The following IVNS1ABP variants were observed in gnomAD, a reference collection of about 807,000 sequenced individuals.
IVNS1ABP encodes the protein influenza virus NS1A binding protein, also known as influenza virus NS1A-binding protein.
In IVNS1ABP, 25 loss-of-function variants were observed where a neutral mutation model predicts 78.9. The ratio of observed to expected loss-of-function variants is 0.32; its 90% CI spans 0.23 to 0.44. IVNS1ABP has a LOEUF of 0.44. Among genes scored for constraint, IVNS1ABP ranks in the 20% least tolerant of loss-of-function variants. The pLI is 1.00. For missense variants in IVNS1ABP, 494 were observed against 768.9 expected (o/e 0.64, Z 4.23); for synonymous variants, 241 against 259.7 (o/e 0.93, Z 0.69).
At chr1:185,303,180 A>C (rs1027829542) in intron 8 of IVNS1ABP, among the ~76,000 whole-genome samples, 3 of 152,132 alleles carry the variant, frequency 2.0e-5, no homozygotes, top group Non-Finnish European at 2.9e-5. Context: ...AACTGTTCTA[A>C]TGTACAAACT....
rs1665548309 is a variant in IVNS1ABP at position 185,300,542 on chromosome 1, C to T, written c.1137G>A (p.Glu379=). The change falls in exon 11 of 15, where the codon GAG becomes GAA. Residue 379 remains glutamate, a synonymous_variant. Transcript: ENST00000367498. Reference sequence around the variant, plus strand: ...AGCATTCGACTGTTCGAAGACATTCCTCTCTGTTATAGCCACCTGGTAAAA... The same window carrying T: ...AGCATTCGACTGTTCGAAGACATTCTTCTCTGTTATAGCCACCTGGTAAAA... ...KLIAAGGYNR[E]ECLRTVECYN... 1.2e-5 allele frequency: 19 copies of T among 1,613,302 alleles called. No homozygotes were observed. The highest frequency in any genetic ancestry group is 1.5e-5 in the Non-Finnish European group (18 of 1,179,484).
At chr1:185,316,874 C>T in intron 1 of IVNS1ABP, 79 bp downstream of exon 1, 2 of 397,214 alleles carry the variant, frequency 5.0e-6, no homozygotes, top group Admixed American at 4.4e-5. Context: ...TCTTCCCATC[C>T]GCCGGCGCCA....
intron 2 of IVNS1ABP, 111 bp from the exon 3 acceptor site, chr1:185,309,622 A>C: frequency 3.2e-6 from 2 of 627,478 alleles, no homozygotes; most frequent in East Asian, 3.0e-5. Flanking sequence ...CCTATAAACA[A>C]CACATAAAAA....
chr1:185,308,941 G>A lies in IVNS1ABP; in HGVS notation c.281+62C>T, dbSNP rs367605600. On this transcript the variant is annotated intron_variant, in intron 4 of 14. Coordinates refer to ENST00000367498, the MANE Select transcript of IVNS1ABP (RefSeq NM_006469.5). The stretch of plus-strand genomic sequence containing the variant: ...AACACACTTAATTTAAATATATGTA[G>A]CAAGACTTGGAATTTTCTGAAGATA... 9 of 1,574,658 alleles carry A rather than the reference G, an allele frequency of 5.7e-6. No individual in the cohort carries two copies. In the East Asian group the frequency reaches 1.3e-4, roughly 24 times the overall value.
At chr1:185,301,645 C>CT (rs141708498) in intron 8 of IVNS1ABP, 82 bp from the exon 9 acceptor site, 90,349 of 1,463,344 alleles carry the variant, frequency 0.062, 3,404 homozygotes, top group Middle Eastern at 0.085. Context: ...TTCCACAACA[C>CT]TGAGTATCCT....
At chr1:185,313,528 C>T (rs930258203) in intron 1 of IVNS1ABP, among the ~76,000 whole-genome samples, 1 of 152,132 alleles carries the variant, frequency 6.6e-6, no homozygotes, top group Non-Finnish European at 1.5e-5. Context: ...TCTGTAAAAC[C>T]ATGTTTTTGA....
chr1:185,296,782 A>G lies in IVNS1ABP; in HGVS notation c.*1253T>C. On this transcript the variant is annotated 3_prime_UTR_variant, in exon 15 of 15. Transcript: ENST00000367498. ...TTATATCATTCCTTATTTCAGATGT[A>G]AGATGCCAGGTGAGTTATTTTCCAC... 6.6e-6 allele frequency: 1 copy of G among 152,162 alleles called. No homozygotes were observed. The highest frequency in any genetic ancestry group is 2.1e-4 in the South Asian group (1 of 4,832). The allele number at this position is 152,162 out of a possible 1,614,324, so 9.4% of individuals were successfully genotyped here.
intron 8 of IVNS1ABP, among the ~76,000 whole-genome samples, chr1:185,304,073 T>C (rs907464169): frequency 2.6e-5 from 4 of 152,122 alleles, no homozygotes; most frequent in Non-Finnish European, 5.9e-5. Flanking sequence ...TTATCTGCTA[T>C]GCAGACTCCT....
In IVNS1ABP at chr1:185,296,706, GT is replaced by G. The variant is rs1449135281; in HGVS notation, c.*1328del. 1 of 151,974 alleles carries G rather than the reference GT, an allele frequency of 6.6e-6. No homozygotes were observed. Among genetic ancestry groups the G allele is most frequent in the Non-Finnish European group, 1.5e-5 (1 of 68,000 alleles). 9.4% of individuals were successfully genotyped at this position (151,974 alleles called of 1,614,324 possible). A position where few individuals can be genotyped will look rare whatever the true frequency, so the allele number is the denominator to read the frequency against. ...ATCTCAGAATAGTCACCTCATCCCA[GT>G]TGGCCCATTAGGTTCCTGTGTGCTT... On this transcript the variant is annotated 3_prime_UTR_variant, in exon 15 of 15. Transcript: ENST00000367498.
intron 10 of IVNS1ABP, 128 bp downstream of exon 10, chr1:185,300,844 A>G (rs529376880): frequency 1.4e-6 from 1 of 726,334 alleles, no homozygotes; most frequent in African/African-American, 1.8e-5. Context: ...CATATTCAAT[A>G]GTATTGTTAT....
chr1:185,306,434 A>G lies in IVNS1ABP; in HGVS notation c.657+580T>C, dbSNP rs1055208406. The G allele has an allele frequency of 1.6e-5, 21 of 1,279,696 alleles. No homozygotes were observed. In the Admixed American group the frequency reaches 4.9e-4, roughly 30 times the overall value. The allele number at this position is 1,279,696 out of a possible 1,614,324, so 79.3% of individuals were successfully genotyped here. A position where few individuals can be genotyped will look rare whatever the true frequency, so the allele number is the denominator to read the frequency against. On this transcript the variant is annotated intron_variant, in intron 7 of 14. Coordinates refer to ENST00000367498, the MANE Select transcript of IVNS1ABP (RefSeq NM_006469.5). Reference sequence around the variant, plus strand: ...AGTGACTATATGTATGAACAACACCATTGAAAAACACACAGCTTTAAAGAC... The same window carrying G: ...AGTGACTATATGTATGAACAACACCGTTGAAAAACACACAGCTTTAAAGAC...
intron 7 of IVNS1ABP, chr1:185,306,152 A>G (rs1665735599): frequency 5.6e-6 from 1 of 177,844 alleles, no homozygotes; most frequent in African/African-American, 2.4e-5. Flanking sequence ...ATGCAAATAC[A>G]TGGCAAATGC....
chr1:185,306,396 C>T (rs1571744817), intron 7 of IVNS1ABP: 1 of 1,092,892 alleles, frequency 9.2e-7, no homozygotes, highest in Non-Finnish European at 1.2e-6. Context: ...TTAAAAGTAG[C>T]CCAAGTTAAG....
rs542968625 is a variant in IVNS1ABP at position 185,306,830 on chromosome 1, G to T, written c.657+184C>A. ...AAGAAATAAAAAAAGAAAAGCAGAA[G>T]ACCAAACTGAACAGTTCATTCAGCT... On this transcript the variant is annotated intron_variant, in intron 7 of 14. Coordinates refer to ENST00000367498, the MANE Select transcript of IVNS1ABP (RefSeq NM_006469.5). 43 of 737,480 alleles carry T rather than the reference G, an allele frequency of 5.8e-5. No individual in the cohort carries two copies. In the African/African-American group the frequency reaches 7.4e-4, roughly 13 times the overall value. The allele number at this position is 737,480 out of a possible 1,614,324, so 45.7% of individuals were successfully genotyped here. A position where few individuals can be genotyped will look rare whatever the true frequency, so the allele number is the denominator to read the frequency against.
At position 185,310,373 on chromosome 1, in the gene IVNS1ABP, C is replaced by T. The variant is rs533151481; in HGVS notation, c.-19+722G>A. The stretch of plus-strand genomic sequence containing the variant: ...CTGTAATCCCAGCACTTTGGGAGGC[C>T]GAGACAGGTGGATCATTTGAGGTCA... On this transcript the variant is annotated intron_variant, in intron 2 of 14. Coordinates refer to ENST00000367498, the MANE Select transcript of IVNS1ABP (RefSeq NM_006469.5). Among the ~76,000 whole-genome samples, 6 of 152,122 alleles carry T rather than the reference C, an allele frequency of 3.9e-5. 1 individual carries two copies. The highest frequency in any genetic ancestry group is 1.2e-4 in the African/African-American group (5 of 41,490).
intron 9 of IVNS1ABP, 100 bp downstream of exon 9, chr1:185,301,334 T>C: frequency 6.7e-7 from 1 of 1,494,978 alleles, no homozygotes; most frequent in South Asian, 1.2e-5. Context: ...TGCTTCTGAG[T>C]TTTTTCCTCG....
At position 185,300,047 on chromosome 1, in the gene IVNS1ABP, A is replaced by T. The variant is rs753975922; in HGVS notation, c.1453T>A (p.Phe485Ile). 26 of 1,613,466 alleles carry T rather than the reference A, an allele frequency of 1.6e-5. No homozygotes were observed. The highest frequency in any genetic ancestry group is 2.2e-5 in the Non-Finnish European group (26 of 1,179,766). Residue 485 changes from phenylalanine to isoleucine, a missense_variant, in exon 13 of 15, where the codon TTT becomes ATT. Phe to Ile is a conservative substitution (Grantham distance 21). Transcript: ENST00000367498. ...GQKGLKNCDV[F>I]DPVTKLWTSC... ...GTCCACAACTTTGTTACAGGATCAA[A>T]TACATCACAATTTTTCAGTCCTTTT...
intron 7 of IVNS1ABP, chr1:185,306,409 A>C: frequency 8.6e-7 from 1 of 1,163,278 alleles, no homozygotes; most frequent in Non-Finnish European, 1.1e-6. Context: ...AAGTTAAGTG[A>C]GTGACTATAT....
intron 10 of IVNS1ABP, 168 bp from the exon 11 acceptor site, chr1:185,300,726 C>T: frequency 1.4e-6 from 1 of 737,466 alleles, no homozygotes; most frequent in Admixed American, 2.9e-5. Context: ...TGAAAAATCG[C>T]ATTATCAGTA....
Sources: allele counts gnomAD v4.1 joint callset (sites outside exome capture counted in the v4.1 genomes callset), GRCh38; gene constraint gnomAD v4.1.1; transcripts MANE v1.5; gene names NCBI Gene and HGNC (gene_info 2026-07-23, HGNC 2026-07-21).